SYT7: variants seen among roughly 807,000 people sequenced by gnomAD.
The protein encoded by SYT7 is synaptotagmin 7.
A neutral mutation model predicts 75.1 loss-of-function variants in SYT7; 29 were observed. The ratio of observed to expected loss-of-function variants is 0.39; its 90% confidence interval spans 0.29 to 0.53. SYT7 has a LOEUF of 0.53. Ranked by LOEUF, SYT7 falls within the 20% of genes least tolerant of loss-of-function variation. The pLI is 0.77. For synonymous variants in SYT7, 376 were observed against 401.7 expected (o/e 0.94, Z 0.76); for missense variants, 693 against 953.2 (o/e 0.73, Z 3.59).
chr11:61,540,845 C>T (rs368970412), intron 6 of SYT7: 1 of 985,528 alleles, frequency 1.0e-6, no homozygotes, highest in Non-Finnish European at 1.2e-6. Flanking sequence ...GCCTGGATCA[C>T]AGCCTCTGTC....
At chr11:61,521,885 A>G (rs952070538) in intron 12 of SYT7, among the ~76,000 whole-genome samples, 12 of 152,210 alleles carry the variant, frequency 7.9e-5, no homozygotes, top group East Asian at 1.9e-4. Context: ...GTCCTATGCT[A>G]AACAGCTCAC....
rs1422813439 is a variant in SYT7 at position 61,576,995 on chromosome 11, G to A, written c.31+3795C>T. 2.0e-5 allele frequency among the ~76,000 whole-genome samples: 3 copies of A among 152,072 alleles called. No individual in the cohort carries two copies. The highest frequency in any genetic ancestry group is 4.4e-5 in the Non-Finnish European group (3 of 67,998). On this transcript the variant is annotated intron_variant, in intron 1 of 12. Coordinates refer to ENST00000539008, the MANE Select transcript of SYT7 (RefSeq NM_001365809.2). This position sits in a 1 kb window ranked among gnomAD's most constrained non-coding sequence, Gnocchi z 4.1. ...TTACCTGTCACCTACTGGCCTGTAC[G>A]TTCCCACCTCAATCCGGCCTGCTCT...
Position 61,556,110 on chromosome 11 carries a change from G to A in SYT7, c.129C>T (p.Arg43=). 6.2e-7 allele frequency: 1 copy of A among 1,613,660 alleles called. No individual in the cohort carries two copies. Among genetic ancestry groups the A allele is most frequent in the East Asian group, 2.2e-5 (1 of 44,852 alleles). The change falls in exon 2 of 13, where the codon CGC becomes CGT. Residue 43 remains arginine (R), a synonymous_variant. Transcript: ENST00000539008. ...VLCGLCHWCQ[R]KLGKRYKNSL... ...GGGCCCTCAGGAGCCTCACCAGTTT[G>A]CGCTGACACCAGTGGCAGAGGCCGC... is the stretch of plus-strand genomic sequence containing the variant.
chr11:61,558,532 AC>A (rs1565199499), intron 1 of SYT7, among the ~76,000 whole-genome samples: 330 of 149,580 alleles, frequency 2.2e-3, no homozygotes, highest in African/African-American at 7.7e-3. Context: ...ACACACACAC[AC>A]ACATATATAT....
Position 61,542,211 on chromosome 11 carries a change from A to G in SYT7, c.941T>C (p.Leu314Pro). The G allele has an allele frequency of 6.5e-7, 1 of 1,533,536 alleles. No homozygotes were observed. Among genetic ancestry groups the G allele is most frequent in the Non-Finnish European group, 8.7e-7 (1 of 1,145,770 alleles). 95.0% of individuals were successfully genotyped at this position (1,533,536 alleles called of 1,614,324 possible). ...RNRGLDMKSF[L>P]EGRMVVLSLV... Reference sequence around the variant, plus strand: ...CGGCCCGCTCAAGGGGAGGACTTACAGGAAGGATTTCATGTCCAAGCCTCG... The same window carrying G: ...CGGCCCGCTCAAGGGGAGGACTTACGGGAAGGATTTCATGTCCAAGCCTCG... Residue 314 changes from leucine to proline, a missense_variant and splice_region_variant, in exon 6 of 13, where the codon CTG (leucine) becomes CCG (proline). Physicochemically the swap from Leu to Pro is moderately conservative, Grantham distance 98 (BLOSUM62 -3). Transcript: ENST00000539008. This position sits in a 1 kb window ranked among gnomAD's most constrained non-coding sequence, Gnocchi z 7.8.
chr11:61,581,164 G>T (rs2135481295), upstream of SYT7: 1 of 151,564 alleles, frequency 6.6e-6, no homozygotes, highest in African/African-American at 2.4e-5. Context: ...CGCCGGCGCC[G>T]CCCGCCAGCC....
Position 61,542,315 on chromosome 11 carries a change from G to GC in SYT7, c.836dup (p.Ser280LeufsTer53), listed in dbSNP as rs1216241071. 1 of 1,533,094 alleles carries GC rather than the reference G, an allele frequency of 6.5e-7. No individual in the cohort carries two copies. Among genetic ancestry groups the GC allele is most frequent in the Non-Finnish European group, 8.7e-7 (1 of 1,145,534 alleles). 95.0% of individuals were successfully genotyped at this position (1,533,094 alleles called of 1,614,324 possible). A position where few individuals can be genotyped will look rare whatever the true frequency, so the allele number is the denominator to read the frequency against. On this transcript the variant is annotated frameshift_variant, in exon 6 of 13. Transcript: ENST00000539008. LOFTEE classifies it high-confidence loss of function. This position sits in a 1 kb window ranked among gnomAD's most constrained non-coding sequence, Gnocchi z 7.8. ...GGCCCCCTGCCGCCCGGTACTTGGA[G>GC]CCGGCCGAGGTGCCCTGCCGAGCCT...
chr11:61,544,045 G>A (rs2063118853), intron 5 of SYT7, among the ~76,000 whole-genome samples: 2 of 152,232 alleles, frequency 1.3e-5, no homozygotes, highest in South Asian at 4.1e-4. Context: ...CCAAGCCATT[G>A]GCATTAGTTT....
rs2062416603 is a variant in SYT7, at chr11:61,523,573, T to C, written c.1756+254A>G. On this transcript the variant is annotated intron_variant, in intron 11 of 12. Transcript: ENST00000539008. The surrounding 1 kb of genome is among the most constrained non-coding windows in gnomAD (Gnocchi z 5.0). ...GGATAGAACCCAGGTCTTCCCACAA[T>C]GTTCCCTCTTTCTGATTCTTGGAAG... Among the ~76,000 whole-genome samples the C allele has an allele frequency of 6.6e-6, 1 of 152,176 alleles. No homozygotes were observed. Among genetic ancestry groups the C allele is most frequent in the African/African-American group, 2.4e-5 (1 of 41,454 alleles).
intron 6 of SYT7, chr11:61,541,442 A>C: frequency 4.1e-6 from 1 of 246,442 alleles, no homozygotes; most frequent in Non-Finnish European, 6.3e-6. Context: ...CTCCAGGGAG[A>C]GCAGGGGGTG....
chr11:61,546,759 AACCACCG>A lies in SYT7; in HGVS notation c.347+411_347+417del, dbSNP rs1003270084. On this transcript the variant is annotated intron_variant, in intron 4 of 12. Transcript: ENST00000539008. The surrounding 1 kb of genome is among the most constrained non-coding windows in gnomAD (Gnocchi z 7.6). The stretch of plus-strand genomic sequence containing the variant: ...CACCATCACCGCCACCACCGCCACG[AACCACCG>A]ACCACCGACCACCGACCACCGAGCA... The A allele has an allele frequency of 2.4e-4, 101 of 418,896 alleles. No individual in the cohort carries two copies. The highest frequency in any genetic ancestry group is 1.0e-3 in the Middle Eastern group (2 of 2,006). The allele number at this position is 418,896 out of a possible 1,614,324, so 25.9% of individuals were successfully genotyped here. A position where few individuals can be genotyped will look rare whatever the true frequency, so the allele number is the denominator to read the frequency against.
At chr11:61,544,478 C>A (rs1205502887) in intron 5 of SYT7, among the ~76,000 whole-genome samples, 1 of 152,208 alleles carries the variant, frequency 6.6e-6, no homozygotes, top group Non-Finnish European at 1.5e-5. Context: ...TTGCCTAACT[C>A]AGGCCTGAAA....
Position 61,546,269 on chromosome 11 carries a change from C to T in SYT7, c.348-14G>A, listed in dbSNP as rs931808517. On this transcript the variant is annotated splice_polypyrimidine_tract_variant and intron_variant, in intron 4 of 12. Transcript: ENST00000539008. This position sits in a 1 kb window ranked among gnomAD's most constrained non-coding sequence, Gnocchi z 7.6. Reference sequence around the variant, plus strand: ...AGGAGGGTGCCACTGGAGGCATGCACGAGGCAGCCAGGCCAGAGGGGCACC... The same window carrying T: ...AGGAGGGTGCCACTGGAGGCATGCATGAGGCAGCCAGGCCAGAGGGGCACC... 6.3e-6 allele frequency: 9 copies of T among 1,424,202 alleles called. No homozygotes were observed. The African/African-American group carries it at 7.5e-5, about 12-fold the overall frequency. The allele number at this position is 1,424,202 out of a possible 1,614,324, so 88.2% of individuals were successfully genotyped here. A position where few individuals can be genotyped will look rare whatever the true frequency, so the allele number is the denominator to read the frequency against.
intron 2 of SYT7, among the ~76,000 whole-genome samples, chr11:61,552,957 G>T (rs1047988945): frequency 6.6e-6 from 1 of 152,170 alleles, no homozygotes; most frequent in African/African-American, 2.4e-5. Flanking sequence ...TCCCACAGAG[G>T]CAAGGCTGTG....
Position 61,556,170 on chromosome 11 carries a change from G to C in SYT7, c.69C>G (p.Ile23Met), listed in dbSNP as rs373590340. The C allele has an allele frequency of 6.2e-7, 1 of 1,613,924 alleles. No individual in the cohort carries two copies. Among genetic ancestry groups the C allele is most frequent in the Non-Finnish European group, 8.5e-7 (1 of 1,179,982 alleles). ...CAGTGACGCTAAGGCTGACGGTGAT[G>C]ATGGCAGAGACCAGCAGGACGTCGC... ...PSRDVLLVSA[I>M]ITVSLSVTVV... Residue 23 changes from isoleucine to methionine, a missense_variant, in exon 2 of 13, where the codon ATC becomes ATG. This residue lies in a region of SYT7 where 487 missense variants were observed against 593.2 expected (regional missense o/e 0.82). Coordinates refer to ENST00000539008, the MANE Select transcript of SYT7 (RefSeq NM_001365809.2).
In SYT7 at chr11:61,524,754, C is replaced by T. The variant is rs111791774; in HGVS notation, c.1472-222G>A. ...CTCAACAATTCTCCAAGGTGAATGG[C>T]ATCTCGTCCATCTTACAGATGAGGC... is the stretch of plus-strand genomic sequence containing the variant. On this transcript the variant is annotated intron_variant, in intron 9 of 12. Coordinates refer to ENST00000539008, the MANE Select transcript of SYT7 (RefSeq NM_001365809.2). This position sits in a 1 kb window ranked among gnomAD's most constrained non-coding sequence, Gnocchi z 4.1. The T allele has an allele frequency of 2.7e-3, 1,322 of 490,526 alleles. 11 individuals are homozygous for T. Among genetic ancestry groups the T allele is most frequent in the African/African-American group, 0.025 (1,232 of 50,264 alleles). The allele number at this position is 490,526 out of a possible 1,614,324, so 30.4% of individuals were successfully genotyped here.
intron 1 of SYT7, among the ~76,000 whole-genome samples, chr11:61,567,217 A>C (rs1445225983): frequency 6.6e-6 from 1 of 151,978 alleles, no homozygotes; most frequent in Non-Finnish European, 1.5e-5. Context: ...TACTCACTCA[A>C]CTCTCTGGTC....
At chr11:61,581,497 G>T (rs2064272664), upstream of SYT7, among the ~76,000 whole-genome samples, 2 of 152,258 alleles carry the variant, frequency 1.3e-5, no homozygotes, top group Non-Finnish European at 2.9e-5. Context: ...ATCCACTCCG[G>T]GTTTTCCGCT....
At chr11:61,532,126 C>T (rs1050251926) in intron 8 of SYT7, among the ~76,000 whole-genome samples, 14 of 152,192 alleles carry the variant, frequency 9.2e-5, no homozygotes, top group African/African-American at 3.4e-4. Flanking sequence ...AGCTCCCAAG[C>T]CTACTTCTTT....
Sources: allele counts gnomAD v4.1 joint callset (sites outside exome capture counted in the v4.1 genomes callset), GRCh38; gene constraint gnomAD v4.1.1; regional missense constraint gnomAD v4.1.1; non-coding constraint Gnocchi (gnomAD v3.1); transcripts MANE v1.5; gene names NCBI Gene and HGNC (gene_info 2026-07-23, HGNC 2026-07-21).